The following CYB5R4 variants were observed in gnomAD, a reference collection of about 807,000 sequenced individuals.
CYB5R4 encodes cytochrome b5 reductase 4, also known as N-terminal cytochrome b5 and cytochrome b5 oxidoreductase domain-containing protein.
CYB5R4 carries 55 observed loss-of-function variants against 70.2 expected under a neutral mutation model. The ratio of observed to expected loss-of-function variants is 0.78; its 90% CI spans 0.63 to 0.98. The LOEUF (loss-of-function observed/expected upper bound fraction) is 0.98. Among genes scored for constraint, CYB5R4 ranks in the 50% least tolerant of loss-of-function variants. CYB5R4 has a pLI of 0.00. For missense variants in CYB5R4, 562 were observed against 612.6 expected, an observed-to-expected ratio of 0.92 and a Z score of 0.87; for synonymous variants, 197 against 199.5, an observed-to-expected ratio of 0.99 and a Z score of 0.11.
At chr6:83,877,790 G>A (rs1215227681) in intron 2 of CYB5R4, among the ~76,000 whole-genome samples, 5 of 150,874 alleles carry the variant, frequency 3.3e-5, no homozygotes, top group Admixed American at 6.6e-5. Context: ...TTTTTTCTCT[G>A]ACTGCCTTTA....
intron 5 of CYB5R4, among the ~76,000 whole-genome samples, chr6:83,915,327 T>A (rs1314887579): frequency 1.3e-5 from 2 of 152,240 alleles, no homozygotes; most frequent in Non-Finnish European, 2.9e-5. Flanking sequence ...CAAGCTAGAT[T>A]GCCAGATGAG....
intron 2 of CYB5R4, among the ~76,000 whole-genome samples, chr6:83,891,592 T>G (rs2099461133): frequency 6.6e-6 from 1 of 152,226 alleles, no homozygotes; most frequent in Non-Finnish European, 1.5e-5. Flanking sequence ...CACAGCCAAG[T>G]GCTTTTTGAT....
intron 3 of CYB5R4, among the ~76,000 whole-genome samples, chr6:83,907,043 A>G (rs773911346): frequency 2.6e-5 from 4 of 152,204 alleles, no homozygotes; most frequent in Non-Finnish European, 4.4e-5. Context: ...TTTCTCAGGT[A>G]AATTCCTAAA....
At chr6:83,891,493 A>G (rs2099461114) in intron 2 of CYB5R4, among the ~76,000 whole-genome samples, 1 of 152,200 alleles carries the variant, frequency 6.6e-6, no homozygotes, top group African/African-American at 2.4e-5. Flanking sequence ...GGAAGGAGAG[A>G]AAGAGCAAAG....
chr6:83,912,902 A>G (rs571410325), intron 4 of CYB5R4, among the ~76,000 whole-genome samples: 30 of 152,288 alleles, frequency 2.0e-4, no homozygotes, highest in African/African-American at 7.0e-4. Flanking sequence ...GTGGGGGGGA[A>G]CTACTAATTT....
rs373001641 is a variant in CYB5R4, at chr6:83,864,322, A to C, written c.223A>C (p.Ile75Leu). The part of the protein sequence containing the change: ...HNKKDDCWIC[I>L]RGFVYNVSPY... Reference sequence around the variant, plus strand: ...CAAAAAAGATGATTGTTGGATATGCATAAGAGGTAGGTGGTATTTATTAAG... The same window carrying C: ...CAAAAAAGATGATTGTTGGATATGCCTAAGAGGTAGGTGGTATTTATTAAG... Residue 75 changes from isoleucine (I) to leucine (L), a missense_variant, in exon 2 of 16, where the codon ATA (isoleucine) becomes CTA (leucine). Coordinates refer to ENST00000369681, the MANE Select transcript of CYB5R4 (RefSeq NM_016230.4). 5.6e-6 allele frequency: 9 copies of C among 1,611,032 alleles called. No homozygotes were observed. Among genetic ancestry groups the C allele is most frequent in the Non-Finnish European group, 7.6e-6 (9 of 1,178,880 alleles).
intron 2 of CYB5R4, among the ~76,000 whole-genome samples, chr6:83,880,568 G>A (rs2099459286): frequency 6.6e-6 from 1 of 152,020 alleles, no homozygotes; most frequent in Admixed American, 6.6e-5. Context: ...TGTGGCTATT[G>A]CTAATGACTT....
intron 9 of CYB5R4, among the ~76,000 whole-genome samples, chr6:83,923,621 T>G (rs1294251376): frequency 6.6e-6 from 1 of 152,150 alleles, no homozygotes; most frequent in Admixed American, 6.5e-5. Context: ...TACCCATATA[T>G]TGTAAACATT....
intron 14 of CYB5R4, among the ~76,000 whole-genome samples, chr6:83,950,583 T>C (rs1328328615): frequency 2.6e-5 from 4 of 152,186 alleles, no homozygotes; most frequent in Non-Finnish European, 5.9e-5. Flanking sequence ...TTTTGTGGTA[T>C]ATAAATATAA....
chr6:83,879,015 A>T (rs2099459037), intron 2 of CYB5R4, among the ~76,000 whole-genome samples: 1 of 151,946 alleles, frequency 6.6e-6, no homozygotes, highest in Admixed American at 6.6e-5. Context: ...GCTGTTACTT[A>T]TTACTTGGTG....
chr6:83,892,073 G>A (rs1437805501), intron 2 of CYB5R4, among the ~76,000 whole-genome samples: 1 of 152,146 alleles, frequency 6.6e-6, no homozygotes, highest in Non-Finnish European at 1.5e-5. Flanking sequence ...CTGGATTTTG[G>A]AGCATTAAAC....
chr6:83,920,131 T>A (rs2099466141), intron 7 of CYB5R4, among the ~76,000 whole-genome samples: 1 of 152,074 alleles, frequency 6.6e-6, no homozygotes, highest in African/African-American at 2.4e-5. Flanking sequence ...ATCAGATAAA[T>A]ATGCAGACAA....
chr6:83,870,350 A>G (rs904630933), intron 2 of CYB5R4, among the ~76,000 whole-genome samples: 9 of 152,082 alleles, frequency 5.9e-5, no homozygotes, highest in Admixed American at 6.5e-5. Context: ...TCTTTAGATT[A>G]TCTTTTATTT....
intron 2 of CYB5R4, among the ~76,000 whole-genome samples, chr6:83,892,879 T>G (rs1588566525): frequency 6.6e-6 from 1 of 152,284 alleles, no homozygotes; most frequent in East Asian, 1.9e-4. Context: ...TGTGTGTACT[T>G]TCAAAAATTA....
At chr6:83,881,074 C>T (rs1339096449) in intron 2 of CYB5R4, among the ~76,000 whole-genome samples, 1 of 152,194 alleles carries the variant, frequency 6.6e-6, no homozygotes, top group East Asian at 1.9e-4. Context: ...CCAGAGAGCA[C>T]ACCTACACTT....
At chr6:83,953,854 T>C (rs1179661985) in intron 14 of CYB5R4, among the ~76,000 whole-genome samples, 1 of 152,100 alleles carries the variant, frequency 6.6e-6, no homozygotes, top group African/African-American at 2.4e-5. Context: ...AGACTTGTCA[T>C]CTCAGATCAC....
intron 10 of CYB5R4, among the ~76,000 whole-genome samples, chr6:83,927,909 G>A (rs1431633023): frequency 6.6e-6 from 1 of 152,082 alleles, no homozygotes; most frequent in Non-Finnish European, 1.5e-5. Flanking sequence ...AGGCTATCCA[G>A]GAGCCCACCA....
At chr6:83,941,776 G>A (rs1274746695) in intron 14 of CYB5R4, among the ~76,000 whole-genome samples, 1 of 152,110 alleles carries the variant, frequency 6.6e-6, no homozygotes, top group Non-Finnish European at 1.5e-5. Context: ...TAGTTGTGTG[G>A]CATTTTAGAG....
chr6:83,907,630 C>T (rs1479403422), intron 3 of CYB5R4, among the ~76,000 whole-genome samples: 1 of 152,140 alleles, frequency 6.6e-6, no homozygotes, highest in African/African-American at 2.4e-5. Context: ...TCCTCTCCCT[C>T]CTCCCAACCT....
Sources: gnomAD v4.1 joint callset for allele counts (sites outside exome capture counted in the v4.1 genomes callset) on GRCh38, gnomAD v4.1.1 for gene constraint, MANE v1.5 for transcripts, NCBI Gene and HGNC (gene_info 2026-07-23, HGNC 2026-07-21) for gene names.